Variants in DPF3 observed in about 807,000 individuals in gnomAD.
The protein encoded by DPF3 is double PHD fingers 3.
DPF3 carries 18 observed loss-of-function variants against 56.8 expected under a neutral mutation model. The ratio of observed to expected loss-of-function variants is 0.32; its 90% CI spans 0.22 to 0.47. The LOEUF is 0.47. Among genes scored for constraint, DPF3 ranks in the 20% least tolerant of loss-of-function variants. The pLI is 1.00. For synonymous variants in DPF3, 188 were observed against 180.2 expected (o/e 1.04, Z -0.35); for missense variants, 403 against 488.8 (o/e 0.82, Z 1.65).
At chr14:72,678,825 T>C (rs1218103253) in intron 7 of DPF3, among the ~76,000 whole-genome samples, 1 of 152,034 alleles carries the variant, frequency 6.6e-6, no homozygotes, top group East Asian at 1.9e-4. Flanking sequence ...TACAAGTAAG[T>C]TGCTGAGAAA....
chr14:72,718,467 C>G (rs1397093741), intron 5 of DPF3, among the ~76,000 whole-genome samples: 1 of 152,194 alleles, frequency 6.6e-6, no homozygotes, highest in Non-Finnish European at 1.5e-5. Flanking sequence ...CTTGTTCACT[C>G]TCACGCTCTC....
intron 1 of DPF3, among the ~76,000 whole-genome samples, chr14:72,807,967 A>AAACAAC (rs377539111): frequency 1.3e-4 from 20 of 151,990 alleles, no homozygotes; most frequent in South Asian, 2.1e-4. Context: ...CCTGTCTCTA[A>AAACAAC]AACAACAACA....
chr14:72,779,904 G>T (rs1891900632), intron 1 of DPF3, among the ~76,000 whole-genome samples: 1 of 152,208 alleles, frequency 6.6e-6, no homozygotes, highest in South Asian at 2.1e-4. Flanking sequence ...GGGTCACCAA[G>T]GCTGAGCCTC....
At chr14:72,779,875 C>T (rs112904127) in intron 1 of DPF3, among the ~76,000 whole-genome samples, 2 of 152,226 alleles carry the variant, frequency 1.3e-5, no homozygotes, top group South Asian at 2.1e-4. Flanking sequence ...AAACCTCTGT[C>T]CCAGGACAGA....
At chr14:72,861,480 T>C (rs1282984644) in intron 1 of DPF3, among the ~76,000 whole-genome samples, 1 of 152,166 alleles carries the variant, frequency 6.6e-6, no homozygotes, top group Admixed American at 6.6e-5. Context: ...TTGGTCATTT[T>C]GCTAGCAAAC....
intron 1 of DPF3, among the ~76,000 whole-genome samples, chr14:72,824,327 G>A (rs1026298695): frequency 1.3e-5 from 2 of 152,114 alleles, no homozygotes; most frequent in African/African-American, 4.8e-5. Flanking sequence ...GGGCTTCCAG[G>A]ACTGGTCTGG....
chr14:72,819,218 A>G (rs12431384), intron 1 of DPF3, among the ~76,000 whole-genome samples: 14,251 of 152,322 alleles, frequency 0.094, 827 homozygotes, highest in Admixed American at 0.18. Flanking sequence ...GAGAATATAT[A>G]GCAACCAAAA....
intron 1 of DPF3, among the ~76,000 whole-genome samples, chr14:72,798,661 G>T (rs1042356007): frequency 1.3e-5 from 2 of 152,222 alleles, no homozygotes; most frequent in Admixed American, 1.3e-4. Flanking sequence ...GATGCAGCCA[G>T]ATCCCTTTCC....
chr14:72,844,143 G>T, intron 1 of DPF3, among the ~76,000 whole-genome samples: 1 of 152,272 alleles, frequency 6.6e-6, no homozygotes, highest in East Asian at 1.9e-4. Flanking sequence ...TATAAAACAC[G>T]GGTACACACA....
chr14:72,788,700 T>C (rs1266980834), intron 1 of DPF3, among the ~76,000 whole-genome samples: 1 of 152,148 alleles, frequency 6.6e-6, no homozygotes, highest in Non-Finnish European at 1.5e-5. Context: ...ATTCTAACCT[T>C]TCTTTGCCTC....
rs896966131 is a variant in DPF3 at position 72,735,300 on chromosome 14, T to C, written c.302-3366A>G. On this transcript the variant is annotated intron_variant, in intron 3 of 10. Coordinates refer to ENST00000556509, the MANE Select transcript of DPF3 (RefSeq NM_001280542.3). ...GCTCTATACGATCATCCCCGTGCAA[T>C]GTTCACCATTCTGCGACAGTATCTA... Among the ~76,000 whole-genome samples, 4 of 152,196 alleles carry C rather than the reference T, an allele frequency of 2.6e-5. No homozygotes were observed. In the East Asian group the frequency reaches 7.7e-4, roughly 29 times the overall value.
intron 2 of DPF3, among the ~76,000 whole-genome samples, chr14:72,769,101 A>G (rs2139938170): frequency 6.6e-6 from 1 of 152,320 alleles, no homozygotes; most frequent in Middle Eastern, 3.4e-3. Context: ...ATGTATCAAC[A>G]TAATTTCATA....
At chr14:72,641,232 G>A (rs956427894) in intron 8 of DPF3, among the ~76,000 whole-genome samples, 1 of 152,198 alleles carries the variant, frequency 6.6e-6, no homozygotes, top group Non-Finnish European at 1.5e-5. Flanking sequence ...AGCGCAGAGA[G>A]AAGAACTCAT....
chr14:72,611,511 C>T lies in DPF3; in HGVS notation c.*7786G>A, dbSNP rs1269890083. On this transcript the variant is annotated 3_prime_UTR_variant, in exon 11 of 11. Transcript: ENST00000556509. ...GTGTGCCCAATCTGTACTTGAAGCC[C>T]CCACCCCCCCAGTCCCGCTCTCTGC... is the stretch of plus-strand genomic sequence containing the variant. 6.6e-6 allele frequency among the ~76,000 whole-genome samples: 1 copy of T among 151,870 alleles called. No homozygotes were observed. Among genetic ancestry groups the T allele is most frequent in the South Asian group, 2.1e-4 (1 of 4,814 alleles).
chr14:72,676,366 A>G (rs1167362352), intron 7 of DPF3, among the ~76,000 whole-genome samples: 1 of 152,142 alleles, frequency 6.6e-6, no homozygotes, highest in Non-Finnish European at 1.5e-5. Flanking sequence ...ACTTCCTATA[A>G]TTTTCAATTT....
intron 3 of DPF3, among the ~76,000 whole-genome samples, chr14:72,733,665 G>C (rs1599393801): frequency 6.6e-6 from 1 of 152,132 alleles, no homozygotes; most frequent in South Asian, 2.1e-4. Context: ...CCTTCACACA[G>C]CCTACCGAGC....
chr14:72,673,070 C>T (rs189555991), intron 8 of DPF3, among the ~76,000 whole-genome samples: 12 of 152,256 alleles, frequency 7.9e-5, no homozygotes, highest in Admixed American at 2.0e-4. Context: ...GAGAGTCACA[C>T]GTTGAGGGTT....
At chr14:72,823,414 G>A (rs1276004338) in intron 1 of DPF3, among the ~76,000 whole-genome samples, 2 of 152,230 alleles carry the variant, frequency 1.3e-5, no homozygotes, top group Admixed American at 6.5e-5. Flanking sequence ...CATGGCGGAC[G>A]CGTCCCATCC....
intron 2 of DPF3, among the ~76,000 whole-genome samples, chr14:72,764,885 G>A (rs897670715): frequency 2.0e-5 from 3 of 152,178 alleles, no homozygotes; most frequent in Admixed American, 6.5e-5. Context: ...CTGACAACCT[G>A]GACTTGAAAT....
Sources: gnomAD v4.1 joint callset for allele counts (sites outside exome capture counted in the v4.1 genomes callset) on GRCh38, gnomAD v4.1.1 for gene constraint, MANE v1.5 for transcripts, NCBI Gene and HGNC (gene_info 2026-07-23, HGNC 2026-07-21) for gene names.